CDKL3: variants seen among roughly 807,000 people sequenced by gnomAD.
CDKL3 encodes the protein cyclin dependent kinase like 3.
CDKL3 carries 65 observed loss-of-function variants against 69.3 expected under a neutral mutation model. The ratio of observed to expected loss-of-function variants is 0.94; its 90% CI spans 0.77 to 1.15. The LOEUF is 1.15. Among genes scored for constraint, CDKL3 ranks in the 50% most tolerant of loss-of-function variants. The probability of loss-of-function intolerance (pLI) is 0.00; values close to 1 mark genes in which losing one functional copy is unlikely to be tolerated. For missense variants in CDKL3, 652 were observed against 689.2 expected (o/e 0.95, Z 0.61); for synonymous variants, 202 against 221.6 (o/e 0.91, Z 0.79).
Position 134,363,561 on chromosome 5 carries a change from A to AGGAG in CDKL3, c.165+2797_165+2798insCTCC, listed in dbSNP as rs1430950545. On this transcript the variant is annotated intron_variant, in intron 2 of 12. Transcript: ENST00000265334. The stretch of plus-strand genomic sequence containing the variant: ...CTGCAACCTCCTCCTCCTGGGTTCA[A>AGGAG]GCAATTCTCCTACCTCAGCCTCCCG... Among the ~76,000 whole-genome samples the AGGAG allele has an allele frequency of 1.2e-4, 18 of 151,040 alleles. No individual in the cohort carries two copies. The East Asian group carries it at 3.3e-3, about 28-fold the overall frequency.
At chr5:134,299,891 C>T in intron 12 of CDKL3, 1 of 575,000 alleles carries the variant, frequency 1.7e-6, no homozygotes, top group South Asian at 2.5e-5. Flanking sequence ...GCAATGTATT[C>T]CTTATCATTA....
chr5:134,323,825 C>T (rs1442599375), intron 4 of CDKL3, among the ~76,000 whole-genome samples: 1 of 151,912 alleles, frequency 6.6e-6, no homozygotes, highest in Non-Finnish European at 1.5e-5. Flanking sequence ...GATACAACAC[C>T]AAAAGTATAA....
downstream of CDKL3, among the ~76,000 whole-genome samples, chr5:134,284,628 G>A (rs1764775102): frequency 6.6e-6 from 1 of 152,116 alleles, no homozygotes; most frequent in Admixed American, 6.5e-5. Flanking sequence ...AGGAGACCAG[G>A]GCGTATTTCA....
chr5:134,318,538 T>A (rs926651979), intron 6 of CDKL3, among the ~76,000 whole-genome samples: 1 of 152,044 alleles, frequency 6.6e-6, no homozygotes, highest in Admixed American at 6.6e-5. Flanking sequence ...CACGCTGGAG[T>A]ACAATGGCCC....
At position 134,364,056 on chromosome 5, in the gene CDKL3, C is replaced by G. The variant is rs779870498; in HGVS notation, c.165+2303G>C. Reference sequence around the variant, plus strand: ...AAAGAAGAAAATATTATTTTTGTATCAGATAAAGCAAACAAGAACATCTGC... The same window carrying G: ...AAAGAAGAAAATATTATTTTTGTATGAGATAAAGCAAACAAGAACATCTGC... On this transcript the variant is annotated intron_variant, in intron 2 of 12. Transcript: ENST00000265334. Among the ~76,000 whole-genome samples, 7 of 151,492 alleles carry G rather than the reference C, an allele frequency of 4.6e-5. No individual in the cohort carries two copies. The Middle Eastern group carries it at 0.014, about 296-fold the overall frequency.
intron 3 of CDKL3, among the ~76,000 whole-genome samples, chr5:134,350,831 G>GAAAAAAAAAAAAAAAAAA (rs112330114): frequency 3.6e-5 from 3 of 82,398 alleles, no homozygotes; most frequent in African/African-American, 7.8e-5. Context: ...AGAAAAAAAA[G>GAAAAAAAAAAAAAAAAAA]AAAAAAAAAA....
chr5:134,298,808 A>ACATGTAAATTAATG (rs1765590864), intron 12 of CDKL3, 98 bp from the exon 13 acceptor site: 11 of 1,477,868 alleles, frequency 7.4e-6, no homozygotes, highest in Non-Finnish European at 1.0e-5. Flanking sequence ...CATGTAAATT[A>ACATGTAAATTAATG]CTAAATTATA....
intron 3 of CDKL3, among the ~76,000 whole-genome samples, chr5:134,350,967 A>C (rs1753161516): frequency 6.6e-6 from 1 of 152,218 alleles, no homozygotes; most frequent in East Asian, 1.9e-4. Context: ...CTCTTGAGAC[A>C]TTATCTGTAC....
Position 134,348,425 on chromosome 5 carries a change from AG to A in CDKL3, c.539+1823del, listed in dbSNP as rs535441177. 1.9e-3 allele frequency among the ~76,000 whole-genome samples: 292 copies of A among 152,278 alleles called. 1 individual carries two copies. Among genetic ancestry groups the A allele is most frequent in the African/African-American group, 6.3e-3 (260 of 41,556 alleles). The stretch of plus-strand genomic sequence containing the variant: ...TGTCTGTGTTTTCTTTTACAATAAA[AG>A]TTTTCAAAATGGACTCACTAGCAAA... On this transcript the variant is annotated intron_variant, in intron 4 of 12. Transcript: ENST00000265334.
chr5:134,287,977 C>A (rs1261414313), intron 8 of CDKL3, among the ~76,000 whole-genome samples: 1 of 151,856 alleles, frequency 6.6e-6, no homozygotes, highest in Non-Finnish European at 1.5e-5. Context: ...TCACCACAAC[C>A]TCTGCCTCCC....
chr5:134,367,202 G>C (rs1757653472), upstream of CDKL3: 1 of 985,652 alleles, frequency 1.0e-6, no homozygotes, highest in African/African-American at 1.7e-5. Flanking sequence ...AACATGGGCA[G>C]GGTCCCGACC....
At chr5:134,324,119 C>T (rs1773503887) in intron 4 of CDKL3, among the ~76,000 whole-genome samples, 1 of 152,150 alleles carries the variant, frequency 6.6e-6, no homozygotes, top group African/African-American at 2.4e-5. Context: ...TGTCATCAGA[C>T]AATTGCAAAT....
chr5:134,348,894 T>C (rs1286940168), intron 4 of CDKL3, among the ~76,000 whole-genome samples: 1 of 152,210 alleles, frequency 6.6e-6, no homozygotes, highest in Non-Finnish European at 1.5e-5. Context: ...TATTATTATT[T>C]CCATTTTATA....
chr5:134,290,718 G>A (rs1441754817), intron 8 of CDKL3, among the ~76,000 whole-genome samples: 1 of 151,508 alleles, frequency 6.6e-6, no homozygotes, highest in Non-Finnish European at 1.5e-5. Flanking sequence ...TAATTTTTTT[G>A]TAGAGATGGG....
chr5:134,368,984 A>C (rs1030525789), upstream of CDKL3, among the ~76,000 whole-genome samples: 1 of 152,190 alleles, frequency 6.6e-6, no homozygotes, highest in African/African-American at 2.4e-5. Flanking sequence ...CCCTGTTCAC[A>C]CCACTGCACT....
chr5:134,300,459 C>T (rs1329341383), intron 12 of CDKL3, among the ~76,000 whole-genome samples: 2 of 152,012 alleles, frequency 1.3e-5, no homozygotes, highest in South Asian at 2.1e-4. Flanking sequence ...CTAGCAATTC[C>T]CTATCTTATG....
At chr5:134,340,608 A>G (rs1454724418) in intron 4 of CDKL3, among the ~76,000 whole-genome samples, 1 of 152,220 alleles carries the variant, frequency 6.6e-6, no homozygotes, top group African/African-American at 2.4e-5. Flanking sequence ...TAGATAACTT[A>G]GATTAAATGA....
intron 4 of CDKL3, among the ~76,000 whole-genome samples, chr5:134,323,136 C>T (rs1388698676): frequency 6.6e-6 from 1 of 152,106 alleles, no homozygotes; most frequent in East Asian, 1.9e-4. Context: ...TAGGAAGACT[C>T]AATATTGTCA....
At chr5:134,307,194 C>T (rs942631743) in intron 9 of CDKL3, among the ~76,000 whole-genome samples, 1 of 152,092 alleles carries the variant, frequency 6.6e-6, no homozygotes, top group African/African-American at 2.4e-5. Context: ...GGGCAGAGAA[C>T]AATTAGTGCA....
Sources: allele counts gnomAD v4.1 joint callset (sites outside exome capture counted in the v4.1 genomes callset), GRCh38; gene constraint gnomAD v4.1.1; transcripts MANE v1.5; gene names NCBI Gene and HGNC (gene_info 2026-07-23, HGNC 2026-07-21).